Variants in GRHL2 observed in about 807,000 individuals in gnomAD.
GRHL2 encodes grainyhead-like protein 2 homolog.
GRHL2 carries 21 observed loss-of-function variants against 83.8 expected under a neutral mutation model. The ratio of observed to expected loss-of-function variants is 0.25; its 90% confidence interval spans 0.18 to 0.36. The LOEUF is 0.36. GRHL2 is among the 10% of genes least tolerant of loss of function. The pLI is 1.00. For missense variants in GRHL2, 623 were observed against 781.8 expected, an observed-to-expected ratio of 0.80 and a Z score of 2.42; for synonymous variants, 280 against 278.9, an observed-to-expected ratio of 1.00 and a Z score of -0.04.
intron 2 of GRHL2, chr8:101,543,754 T>C (rs1165813794): frequency 5.5e-6 from 2 of 362,248 alleles, no homozygotes; most frequent in Non-Finnish European, 1.1e-5. Flanking sequence ...TTTAGGATTA[T>C]TATTTTTGCT....
At position 101,521,323 on chromosome 8, in the gene GRHL2, G is replaced by T. The variant is rs537970705; in HGVS notation, c.21-21918G>T. On this transcript the variant is annotated intron_variant, in intron 1 of 15. Transcript: ENST00000646743. ...GTAGTCCTACCACACATGATCGCTG[G>T]CTGGAAGCAGCCCATGGCGAAGTGT... Among the ~76,000 whole-genome samples, 11 of 152,274 alleles carry T rather than the reference G, an allele frequency of 7.2e-5. No individual in the cohort carries two copies. The South Asian group carries it at 1.9e-3, about 26-fold the overall frequency.
intron 1 of GRHL2, among the ~76,000 whole-genome samples, chr8:101,511,779 C>T (rs908560219): frequency 6.6e-6 from 1 of 151,770 alleles, no homozygotes; most frequent in Non-Finnish European, 1.5e-5. Context: ...AAATTTTATT[C>T]TATCATTCTA....
At chr8:101,610,608 T>C (rs539070490) in intron 8 of GRHL2, among the ~76,000 whole-genome samples, 1 of 150,894 alleles carries the variant, frequency 6.6e-6, no homozygotes, top group Admixed American at 6.6e-5. Context: ...CGTTTAAAAG[T>C]ATTATTTCAT....
chr8:101,614,863 G>A (rs1252992944), intron 8 of GRHL2, among the ~76,000 whole-genome samples: 1 of 152,168 alleles, frequency 6.6e-6, no homozygotes, highest in East Asian at 1.9e-4. Context: ...GCAGCACAGC[G>A]AGACTATGAT....
At chr8:101,577,827 A>C (rs1192165058) in intron 7 of GRHL2, among the ~76,000 whole-genome samples, 1 of 152,226 alleles carries the variant, frequency 6.6e-6, no homozygotes, top group Non-Finnish European at 1.5e-5. Flanking sequence ...GTTTGAGCCT[A>C]GTAGGCAGTC....
intron 1 of GRHL2, among the ~76,000 whole-genome samples, chr8:101,513,796 A>G (rs1224161216): frequency 2.6e-5 from 4 of 152,026 alleles, no homozygotes; most frequent in Admixed American, 1.3e-4. Flanking sequence ...GCGCCTGGCC[A>G]TTGTGCATTT....
intron 4 of GRHL2, among the ~76,000 whole-genome samples, chr8:101,559,737 G>C (rs540656333): frequency 3.0e-4 from 45 of 152,272 alleles, no homozygotes; most frequent in African/African-American, 1.1e-3. Context: ...GTGCACAGTT[G>C]AGAATTTTGG....
In GRHL2 at chr8:101,657,708, C is replaced by T. The variant is rs959237532; in HGVS notation, c.1699-6746C>T. ...ACAAAAAATTAGCAGGGTGTGGTGG[C>T]GGGCGCCTATAGTCCCAGCTACTCA... On this transcript the variant is annotated intron_variant, in intron 14 of 15. Coordinates refer to ENST00000646743, the MANE Select transcript of GRHL2 (RefSeq NM_024915.4). Among the ~76,000 whole-genome samples the T allele has an allele frequency of 7.2e-5, 11 of 151,860 alleles. No individual in the cohort carries two copies. The East Asian group carries it at 9.7e-4, about 13-fold the overall frequency.
chr8:101,543,843 A>C, intron 2 of GRHL2: 1 of 228,246 alleles, frequency 4.4e-6, no homozygotes, highest in South Asian at 6.3e-5. Flanking sequence ...GACTGAGAAG[A>C]AAAAGCGGTT....
At chr8:101,620,233 C>T (rs1436867464) in intron 9 of GRHL2, among the ~76,000 whole-genome samples, 1 of 152,178 alleles carries the variant, frequency 6.6e-6, no homozygotes, top group Non-Finnish European at 1.5e-5. Flanking sequence ...CAATTACCTC[C>T]CCAAAATTTC....
Position 101,608,352 on chromosome 8 carries a change from T to TAGAG in GRHL2, c.1098+9202_1098+9203insGAGA, listed in dbSNP as rs571052484. ...GACCTAGTAGTAATATCTCCTTTAT[T>TAGAG]ATCTCTGACAAGGGAATAACCATTC... On this transcript the variant is annotated intron_variant, in intron 8 of 15. Transcript: ENST00000646743. 5.4e-3 allele frequency among the ~76,000 whole-genome samples: 825 copies of TAGAG among 152,294 alleles called. 8 individuals are homozygous for TAGAG. Among genetic ancestry groups the TAGAG allele is most frequent in the African/African-American group, 0.018 (756 of 41,574 alleles).
the GRHL2 span, among the ~76,000 whole-genome samples, chr8:101,675,040 C>G: frequency 6.6e-6 from 1 of 152,110 alleles, no homozygotes; most frequent in African/African-American, 2.4e-5. Flanking sequence ...AATCAATTAG[C>G]TATTGATGGG....
intron 8 of GRHL2, among the ~76,000 whole-genome samples, chr8:101,614,825 T>G (rs1812821770): frequency 6.6e-6 from 1 of 152,160 alleles, no homozygotes; most frequent in Non-Finnish European, 1.5e-5. Flanking sequence ...CCAATTTCAG[T>G]TAAAGTTCAA....
At chr8:101,520,035 G>A (rs1334704890) in intron 1 of GRHL2, among the ~76,000 whole-genome samples, 1 of 152,132 alleles carries the variant, frequency 6.6e-6, no homozygotes, top group Non-Finnish European at 1.5e-5. Flanking sequence ...TTTAATTTTA[G>A]ATCAAACTTA....
intron 1 of GRHL2, among the ~76,000 whole-genome samples, chr8:101,531,568 A>G (rs893388590): frequency 6.6e-6 from 1 of 152,124 alleles, no homozygotes; most frequent in African/African-American, 2.4e-5. Context: ...ACACACACAC[A>G]CACACCACAC....
At chr8:101,615,383 TG>T (rs1812834478) in intron 8 of GRHL2, among the ~76,000 whole-genome samples, 1 of 152,190 alleles carries the variant, frequency 6.6e-6, no homozygotes, top group African/African-American at 2.4e-5. Flanking sequence ...ATGTCCACTG[TG>T]ATTGACATGT....
intron 1 of GRHL2, among the ~76,000 whole-genome samples, chr8:101,542,334 G>T (rs1301278852): frequency 6.6e-6 from 1 of 152,050 alleles, no homozygotes; most frequent in African/African-American, 2.4e-5. Context: ...CTTGCACTCT[G>T]GGAGGCCCAG....
intron 8 of GRHL2, among the ~76,000 whole-genome samples, chr8:101,604,196 T>C (rs1203181547): frequency 1.3e-5 from 2 of 152,110 alleles, no homozygotes; most frequent in African/African-American, 2.4e-5. Flanking sequence ...TTTCTTTCTC[T>C]CCTTACCCAA....
chr8:101,530,567 C>A (rs1810902840), intron 1 of GRHL2, among the ~76,000 whole-genome samples: 1 of 152,104 alleles, frequency 6.6e-6, no homozygotes, highest in Non-Finnish European at 1.5e-5. Context: ...CATTTTTCTG[C>A]AGGACATTTA....
Sources: gnomAD v4.1 joint callset for allele counts (sites outside exome capture counted in the v4.1 genomes callset) on GRCh38, gnomAD v4.1.1 for gene constraint, MANE v1.5 for transcripts, NCBI Gene and HGNC (gene_info 2026-07-23, HGNC 2026-07-21) for gene names.